The following TMEM163 variants were observed in gnomAD, a reference collection of about 807,000 sequenced individuals.
TMEM163 encodes transmembrane protein 163.
Under a neutral mutation model 29.3 loss-of-function variants are expected in TMEM163, and 17 were observed. The ratio of observed to expected loss-of-function variants is 0.58; its 90% CI spans 0.40 to 0.87. The LOEUF is 0.87. Ranked by LOEUF, TMEM163 falls within the 40% of genes least tolerant of loss-of-function variation. The probability of loss-of-function intolerance (pLI) is 0.00; values close to 1 mark genes in which losing one functional copy is unlikely to be tolerated. For missense variants in TMEM163, 303 were observed against 381.5 expected (o/e 0.79, Z 1.71); for synonymous variants, 157 against 160.6 (o/e 0.98, Z 0.17).
intron 5 of TMEM163, among the ~76,000 whole-genome samples, chr2:134,499,271 A>G (rs1489550669): frequency 6.6e-6 from 1 of 152,266 alleles, no homozygotes; most frequent in Non-Finnish European, 1.5e-5. Context: ...GATTAAAACT[A>G]TCTTTTCATG....
intron 1 of TMEM163, among the ~76,000 whole-genome samples, chr2:134,718,132 C>T (rs571319676): frequency 3.9e-5 from 6 of 152,366 alleles, no homozygotes; most frequent in East Asian, 1.9e-4. Flanking sequence ...CATGAGACGA[C>T]GGGGCAGGGA....
rs555231408 is a variant in TMEM163, at chr2:134,686,159, C to G, written c.322+27041G>C. ...CCTGAACCCAGCTGCCCTCCCCACC[C>G]CAGCCTGATAAGCCTCTACTCACAT... On this transcript the variant is annotated intron_variant, in intron 2 of 7. Transcript: ENST00000281924. 1.3e-4 allele frequency among the ~76,000 whole-genome samples: 20 copies of G among 152,308 alleles called. No homozygotes were observed. In the South Asian group the frequency reaches 2.7e-3, roughly 21 times the overall value.
chr2:134,596,883 T>C (rs1287477116), intron 2 of TMEM163, among the ~76,000 whole-genome samples: 5 of 152,214 alleles, frequency 3.3e-5, no homozygotes, highest in African/African-American at 7.2e-5. Context: ...CAATTGTGAA[T>C]GGGATTTGTC....
intron 5 of TMEM163, among the ~76,000 whole-genome samples, chr2:134,498,881 A>G (rs551461301): frequency 6.6e-6 from 1 of 152,348 alleles, no homozygotes; most frequent in East Asian, 1.9e-4. Context: ...AGGATCCTAA[A>G]GGCCCCATGT....
At chr2:134,481,552 T>A (rs1679181688) in intron 5 of TMEM163, among the ~76,000 whole-genome samples, 1 of 152,044 alleles carries the variant, frequency 6.6e-6, no homozygotes, top group African/African-American at 2.4e-5. Flanking sequence ...CATGGAACTG[T>A]GAGTCCATTA....
At chr2:134,547,553 C>A (rs1227380969) in intron 4 of TMEM163, among the ~76,000 whole-genome samples, 1 of 152,208 alleles carries the variant, frequency 6.6e-6, no homozygotes, top group African/African-American at 2.4e-5. Context: ...CCCCTCATAA[C>A]TCATTTATGC....
chr2:134,539,034 T>A (rs1376655162), intron 4 of TMEM163, among the ~76,000 whole-genome samples: 1 of 152,222 alleles, frequency 6.6e-6, no homozygotes, highest in Non-Finnish European at 1.5e-5. Flanking sequence ...TATCTCTGTT[T>A]TGCCTGGAAA....
At chr2:134,604,508 G>C (rs1324147330) in intron 2 of TMEM163, among the ~76,000 whole-genome samples, 2 of 151,872 alleles carry the variant, frequency 1.3e-5, no homozygotes, top group Non-Finnish European at 2.9e-5. Context: ...AAAGAGATAA[G>C]GAGGGGTCTG....
At chr2:134,697,142 T>C (rs1403790962) in intron 2 of TMEM163, among the ~76,000 whole-genome samples, 2 of 152,194 alleles carry the variant, frequency 1.3e-5, no homozygotes, top group Admixed American at 6.5e-5. Flanking sequence ...TAAAGCTCTA[T>C]GTAAACTATA....
At chr2:134,457,384 G>T (rs552802781) in intron 7 of TMEM163, among the ~76,000 whole-genome samples, 20 of 152,332 alleles carry the variant, frequency 1.3e-4, no homozygotes, top group Admixed American at 1.2e-3. Context: ...ATGGATGAGG[G>T]TTCCACTTTC....
rs564264737 is a variant in TMEM163, at chr2:134,524,529, C to A, written c.459-21532G>T. Among the ~76,000 whole-genome samples the A allele has an allele frequency of 3.3e-5, 5 of 149,912 alleles. No individual in the cohort carries two copies. In the South Asian group the frequency reaches 1.1e-3, roughly 34 times the overall value. ...ATTTATCCTGATGCCCTCCCCCTTT[C>A]ACCCCCTACCCATAGGCCCCAGTGT... On this transcript the variant is annotated intron_variant, in intron 4 of 7. Transcript: ENST00000281924.
At position 134,661,925 on chromosome 2, in the gene TMEM163, C is replaced by CTTTTTTTTTT. The variant is rs201436466; in HGVS notation, c.322+51274_322+51275insAAAAAAAAAA. 1.6e-3 allele frequency among the ~76,000 whole-genome samples: 130 copies of CTTTTTTTTTT among 79,022 alleles called. 13 individuals carry two copies. Among genetic ancestry groups the CTTTTTTTTTT allele is most frequent in the African/African-American group, 2.2e-3 (38 of 16,980 alleles). The allele number at this position is 79,022 out of a possible 152,430, so 51.8% of individuals were successfully genotyped here. A position where few individuals can be genotyped will look rare whatever the true frequency, so the allele number is the denominator to read the frequency against. On this transcript the variant is annotated intron_variant, in intron 2 of 7. Transcript: ENST00000281924. The stretch of plus-strand genomic sequence containing the variant: ...AAGTTTTCATGGATTCATTAATTTT[C>CTTTTTTTTTT]TTTCTTTTTTTTTTTTTTTTTTTTG...
At chr2:134,552,270 TC>T in intron 2 of TMEM163, among the ~76,000 whole-genome samples, 179 bp from the exon 3 acceptor site, 1 of 152,268 alleles carries the variant, frequency 6.6e-6, no homozygotes, top group East Asian at 1.9e-4. Flanking sequence ...CTGAAAAGAT[TC>T]CCAGACTCCA....
intron 4 of TMEM163, among the ~76,000 whole-genome samples, chr2:134,513,464 C>G (rs116671919): frequency 6.6e-6 from 1 of 152,192 alleles, no homozygotes; most frequent in Non-Finnish European, 1.5e-5. Flanking sequence ...GAAGGTTCCA[C>G]GACGGATCCA....
chr2:134,490,484 A>G (rs535161475), intron 5 of TMEM163, among the ~76,000 whole-genome samples: 1 of 152,144 alleles, frequency 6.6e-6, no homozygotes, highest in Non-Finnish European at 1.5e-5. Flanking sequence ...CTCTCCCTGG[A>G]AAGTTCTTTA....
intron 4 of TMEM163, among the ~76,000 whole-genome samples, chr2:134,541,472 A>G (rs956704731): frequency 5.3e-5 from 8 of 152,232 alleles, no homozygotes; most frequent in Non-Finnish European, 1.2e-4. Flanking sequence ...CTAGTAATTT[A>G]TCCTAAAGAA....
At chr2:134,556,139 GAAGA>G (rs1681044788) in intron 2 of TMEM163, among the ~76,000 whole-genome samples, 1 of 152,170 alleles carries the variant, frequency 6.6e-6, no homozygotes, top group African/African-American at 2.4e-5. Flanking sequence ...GCCAACACAA[GAAGA>G]AAGTAGATAT....
In TMEM163 at chr2:134,695,837, G is replaced by C. The variant is rs150380931; in HGVS notation, c.322+17363C>G. Among the ~76,000 whole-genome samples, 582 of 152,266 alleles carry C rather than the reference G, an allele frequency of 3.8e-3. 1 individual carries two copies. Among genetic ancestry groups the C allele is most frequent in the African/African-American group, 0.013 (546 of 41,538 alleles). On this transcript the variant is annotated intron_variant, in intron 2 of 7. Transcript: ENST00000281924. ...AAGCCAAGGCAGGCAGATCACCTGA[G>C]GTCAGGAGTTCCAGACCAGCCCGGC...
At chr2:134,564,742 T>C (rs756312631) in intron 2 of TMEM163, among the ~76,000 whole-genome samples, 1 of 152,112 alleles carries the variant, frequency 6.6e-6, no homozygotes, top group Non-Finnish European at 1.5e-5. Context: ...AATAAACATA[T>C]GAAAATATAC....
Sources: gnomAD v4.1 joint callset for allele counts (sites outside exome capture counted in the v4.1 genomes callset) on GRCh38, gnomAD v4.1.1 for gene constraint, MANE v1.5 for transcripts, NCBI Gene and HGNC (gene_info 2026-07-23, HGNC 2026-07-21) for gene names.